Variants in ELOVL2 observed in about 807,000 individuals in gnomAD.
The protein encoded by ELOVL2 is very long chain fatty acid elongase 2.
ELOVL2 carries 38 observed loss-of-function variants against 37.7 expected under a neutral mutation model. The ratio of observed to expected loss-of-function variants is 1.01; its 90% CI spans 0.78 to 1.32. The LOEUF is 1.32. Ranked by LOEUF, ELOVL2 falls within the 40% of genes most tolerant of loss-of-function variation. ELOVL2 has a pLI of 0.00. For missense variants in ELOVL2, 352 were observed against 363.6 expected (o/e 0.97, Z 0.26); for synonymous variants, 115 against 122.3 (o/e 0.94, Z 0.40).
At chr6:11,036,925 G>C (rs1007306658) in intron 1 of ELOVL2, among the ~76,000 whole-genome samples, 2 of 141,212 alleles carry the variant, frequency 1.4e-5, no homozygotes, top group Non-Finnish European at 3.1e-5. Context: ...TTTTTTTTTT[G>C]AGGAGGGAGA....
intron 1 of ELOVL2, among the ~76,000 whole-genome samples, chr6:11,018,453 C>T (rs917016394): frequency 2.6e-5 from 4 of 152,282 alleles, no homozygotes; most frequent in South Asian, 2.1e-4. Flanking sequence ...CAAGAAGATA[C>T]ACAAGAAGTA....
intron 4 of ELOVL2, among the ~76,000 whole-genome samples, chr6:10,998,364 G>A (rs1402904267): frequency 6.6e-6 from 1 of 152,078 alleles, no homozygotes; most frequent in East Asian, 1.9e-4. Flanking sequence ...CTTTTCTCTA[G>A]AGAAGAACTT....
intron 7 of ELOVL2, among the ~76,000 whole-genome samples, chr6:10,988,959 T>C (rs969809857): frequency 6.6e-6 from 1 of 152,236 alleles, no homozygotes; most frequent in Non-Finnish European, 1.5e-5. Flanking sequence ...TCAGGGTAGC[T>C]GATAAGGAAC....
At chr6:10,990,583 T>C in intron 5 of ELOVL2, 141 bp from the exon 6 acceptor site, 2 of 745,046 alleles carry the variant, frequency 2.7e-6, no homozygotes, top group South Asian at 3.1e-5. Context: ...TCCACACTAA[T>C]AAATTCCCCA....
intron 2 of ELOVL2, among the ~76,000 whole-genome samples, chr6:11,007,356 T>G (rs1782498232): frequency 6.6e-6 from 1 of 152,146 alleles, no homozygotes; most frequent in African/African-American, 2.4e-5. Context: ...CCTAAGCCAA[T>G]GACTAGTGTC....
intron 1 of ELOVL2, among the ~76,000 whole-genome samples, chr6:11,035,970 G>A (rs1356038046): frequency 2.0e-5 from 3 of 152,164 alleles, no homozygotes; most frequent in East Asian, 1.9e-4. Flanking sequence ...TGCATGTCTC[G>A]AGAGCAATTT....
chr6:11,005,690 G>C (rs1166291977), intron 2 of ELOVL2, 131 bp from the exon 3 acceptor site: 2 of 741,968 alleles, frequency 2.7e-6, no homozygotes, highest in African/African-American at 3.6e-5. Context: ...TAGGTAGGCT[G>C]GCCTGGGTTT....
intron 5 of ELOVL2, among the ~76,000 whole-genome samples, chr6:10,991,642 A>G (rs1782160923): frequency 6.6e-6 from 1 of 152,182 alleles, no homozygotes; most frequent in South Asian, 2.1e-4. Flanking sequence ...TAAGAAACAA[A>G]AGGTACAATA....
rs1782500122 is a variant in ELOVL2 at position 11,007,492 on chromosome 6, A to G, written c.68-1933T>C. On this transcript the variant is annotated intron_variant, in intron 2 of 7. Coordinates refer to ENST00000354666, the MANE Select transcript of ELOVL2 (RefSeq NM_017770.4). ...CCAGAGATTGCCACCAACCACCAGA[A>G]ACTACGGGGAGTCATGGTACAGAAT... 2.0e-5 allele frequency among the ~76,000 whole-genome samples: 3 copies of G among 152,254 alleles called. No homozygotes were observed. The South Asian group carries it at 6.2e-4, about 32-fold the overall frequency.
chr6:10,999,309 C>T (rs1782331063), intron 4 of ELOVL2, among the ~76,000 whole-genome samples: 1 of 151,822 alleles, frequency 6.6e-6, no homozygotes, highest in Non-Finnish European at 1.5e-5. Context: ...AAATATAGCA[C>T]AAGGTACATT....
At chr6:11,013,853 C>T (rs568257055) in intron 1 of ELOVL2, among the ~76,000 whole-genome samples, 12 of 143,574 alleles carry the variant, frequency 8.4e-5, no homozygotes, top group South Asian at 2.3e-4. Flanking sequence ...CCTTTGGCCA[C>T]GTCCCTCCAC....
chr6:10,986,798 G>A (rs1782060950), intron 7 of ELOVL2, among the ~76,000 whole-genome samples: 1 of 152,146 alleles, frequency 6.6e-6, no homozygotes, highest in South Asian at 2.1e-4. Context: ...AAGGATATTG[G>A]TCTAAAATTC....
rs745941635 is a variant in ELOVL2 at position 11,000,120 on chromosome 6, T to G, written c.300A>C (p.Gln100His). ...CAGCTTCCCCTGCGCTGGTAAGATC[T>G]TGACACTGTAAGTTGTAGCCTCCTT... ...TWEGGYNLQCQDLTSAGEADI... is the reference protein window; with the variant it reads ...TWEGGYNLQCHDLTSAGEADI... Residue 100 changes from glutamine (Q) to histidine (H), a missense_variant, in exon 4 of 8, where the codon CAA becomes CAC. Transcript: ENST00000354666. The G allele has an allele frequency of 5.0e-6, 8 of 1,614,074 alleles. No individual in the cohort carries two copies. Among genetic ancestry groups the G allele is most frequent in the Admixed American group, 1.7e-5 (1 of 59,992 alleles).
Position 10,990,438 on chromosome 6 carries a change from G to A in ELOVL2, c.510C>T (p.Phe170=). The change falls in exon 6 of 8, where the codon TTC becomes TTT. Residue 170 remains phenylalanine, a synonymous_variant. Coordinates refer to ENST00000354666, the MANE Select transcript of ELOVL2 (RefSeq NM_017770.4). ...VLNWIPCGQS[F]FGPTLNSFIH... ...TAAAACTGTTCAGTGTTGGTCCAAA[G>A]AAACCTATAAAAGTACAGTATAAAA... is the stretch of plus-strand genomic sequence containing the variant. The A allele has an allele frequency of 3.1e-6, 5 of 1,589,194 alleles. No homozygotes were observed. The South Asian group carries it at 4.7e-5, about 15-fold the overall frequency.
chr6:10,984,060 C>T (rs1781994812), intron 7 of ELOVL2, among the ~76,000 whole-genome samples, 154 bp from the exon 8 acceptor site: 1 of 152,212 alleles, frequency 6.6e-6, no homozygotes, highest in South Asian at 2.1e-4. Flanking sequence ...ATCTGTCACC[C>T]AGGCTGGAGT....
chr6:10,992,448 T>A (rs1388609309), intron 5 of ELOVL2, among the ~76,000 whole-genome samples: 1 of 152,188 alleles, frequency 6.6e-6, no homozygotes, highest in African/African-American at 2.4e-5. Context: ...AACTGACCCA[T>A]TAGTGAATGG....
At chr6:11,012,991 C>T (rs962344408) in intron 1 of ELOVL2, among the ~76,000 whole-genome samples, 12 of 152,124 alleles carry the variant, frequency 7.9e-5, no homozygotes, top group Admixed American at 4.6e-4. Flanking sequence ...AAAGTAAAGC[C>T]TTCTTGGAAG....
intron 1 of ELOVL2, among the ~76,000 whole-genome samples, chr6:11,041,726 T>A (rs938499763): frequency 7.2e-5 from 11 of 152,196 alleles, no homozygotes; most frequent in Admixed American, 7.2e-4. Context: ...ATTACATAAT[T>A]TTCAAAAACT....
intron 1 of ELOVL2, among the ~76,000 whole-genome samples, chr6:11,026,698 C>A (rs768342330): frequency 6.6e-6 from 1 of 152,166 alleles, no homozygotes; most frequent in Admixed American, 6.5e-5. Context: ...ACTCTTACCT[C>A]GTACTAAAAG....
Sources: gnomAD v4.1 joint callset for allele counts (sites outside exome capture counted in the v4.1 genomes callset) on GRCh38, gnomAD v4.1.1 for gene constraint, MANE v1.5 for transcripts, NCBI Gene and HGNC (gene_info 2026-07-23, HGNC 2026-07-21) for gene names.